NLGN1: variants seen among roughly 807,000 people sequenced by gnomAD.
The protein encoded by NLGN1 is neuroligin 1.
A neutral mutation model predicts 65.5 loss-of-function variants in NLGN1; 12 were observed. That is an observed-to-expected ratio of 0.18 (90% CI 0.12 to 0.30). The LOEUF is 0.30. Ranked by LOEUF, NLGN1 falls within the 10% of genes least tolerant of loss-of-function variation. NLGN1 has a pLI of 1.00. For missense variants in NLGN1, 750 were observed against 1,007.1 expected (o/e 0.74, Z 3.46); for synonymous variants, 350 against 359.5 (o/e 0.97, Z 0.30).
chr3:173,557,498 G>T (rs539793969), intron 2 of NLGN1, among the ~76,000 whole-genome samples: 3 of 151,622 alleles, frequency 2.0e-5, no homozygotes, highest in Admixed American at 6.6e-5. Flanking sequence ...TTTTCTCTTT[G>T]CCCTATTTAA....
chr3:173,711,961 T>C (rs996182704), intron 3 of NLGN1, among the ~76,000 whole-genome samples: 3 of 152,134 alleles, frequency 2.0e-5, no homozygotes, highest in Non-Finnish European at 4.4e-5. Context: ...CAATGAGCAA[T>C]AGGAAACTGA....
In NLGN1 at chr3:173,555,631, C is replaced by T. The variant is rs962166385; in HGVS notation, c.-320-48648C>T. Among the ~76,000 whole-genome samples, 6 of 152,044 alleles carry T rather than the reference C, an allele frequency of 3.9e-5. No homozygotes were observed. In the East Asian group the frequency reaches 1.2e-3, roughly 29 times the overall value. On this transcript the variant is annotated intron_variant, in intron 2 of 6. Transcript: ENST00000457714. Reference sequence around the variant, plus strand: ...AGTAGGTGGATGTGCACCACCACATCCAGCTAATTTTTATAAATATACATA... The same window carrying T: ...AGTAGGTGGATGTGCACCACCACATTCAGCTAATTTTTATAAATATACATA...
chr3:173,717,941 G>C (rs1298290547), intron 3 of NLGN1, among the ~76,000 whole-genome samples: 2 of 152,166 alleles, frequency 1.3e-5, no homozygotes, highest in Non-Finnish European at 2.9e-5. Context: ...ACAAGGGTAA[G>C]AGTGTTACAA....
intron 3 of NLGN1, among the ~76,000 whole-genome samples, chr3:173,804,220 C>A (rs898293806): frequency 1.3e-5 from 2 of 151,886 alleles, no homozygotes; most frequent in Non-Finnish European, 2.9e-5. Context: ...AGGCTTAAAA[C>A]CATTGCAAAT....
At chr3:174,038,131 C>A (rs1206094346) in intron 4 of NLGN1, among the ~76,000 whole-genome samples, 1 of 152,082 alleles carries the variant, frequency 6.6e-6, no homozygotes, top group Non-Finnish European at 1.5e-5. Context: ...GAGAATGTGG[C>A]AGTCGCTGTG....
chr3:173,408,262 T>C (rs1577314700), intron 1 of NLGN1, among the ~76,000 whole-genome samples: 1 of 152,286 alleles, frequency 6.6e-6, no homozygotes, highest in Non-Finnish European at 1.5e-5. Flanking sequence ...CCCTCCAGAT[T>C]TGATGATTGC....
At chr3:174,117,726 A>G (rs1716844756) in intron 4 of NLGN1, among the ~76,000 whole-genome samples, 1 of 152,170 alleles carries the variant, frequency 6.6e-6, no homozygotes, top group Non-Finnish European at 1.5e-5. Flanking sequence ...ACCTCTTTGC[A>G]ACACACCATT....
intron 4 of NLGN1, among the ~76,000 whole-genome samples, chr3:174,021,611 C>A (rs1727764430): frequency 6.6e-6 from 1 of 151,988 alleles, no homozygotes; most frequent in African/African-American, 2.4e-5. Context: ...AAGGCAGTTC[C>A]TCTCTGTATT....
At chr3:173,656,014 G>T (rs1443040081) in intron 3 of NLGN1, among the ~76,000 whole-genome samples, 1 of 152,074 alleles carries the variant, frequency 6.6e-6, no homozygotes, top group Non-Finnish European at 1.5e-5. Flanking sequence ...GAATTTTTTG[G>T]GGGTTTAAAT....
exon 7 of NLGN1, chr3:174,282,976 A>G (rs1751716664): frequency 6.6e-6 from 1 of 152,014 alleles, no homozygotes; most frequent in Non-Finnish European, 1.5e-5. Flanking sequence ...ACTTGATGGA[A>G]CCAACTTTGT....
chr3:173,753,049 G>C (rs1488554), intron 3 of NLGN1, among the ~76,000 whole-genome samples: 127,254 of 152,018 alleles, frequency 0.84, 53,733 homozygotes, highest in East Asian at 1. Context: ...CTACCCACCC[G>C]TCTTTTCAGT....
At chr3:173,558,854 G>A (rs1250784287) in intron 2 of NLGN1, among the ~76,000 whole-genome samples, 3 of 152,002 alleles carry the variant, frequency 2.0e-5, no homozygotes, top group African/African-American at 2.4e-5. Flanking sequence ...TGAGTATTAT[G>A]TCTAATAGAA....
At chr3:174,229,070 G>A (rs886895953) in intron 4 of NLGN1, among the ~76,000 whole-genome samples, 1 of 152,088 alleles carries the variant, frequency 6.6e-6, no homozygotes, top group African/African-American at 2.4e-5. Context: ...CTTCCTGGCT[G>A]CGTAAACCTG....
At chr3:173,832,229 G>A (rs1722737642) in intron 4 of NLGN1, among the ~76,000 whole-genome samples, 1 of 151,920 alleles carries the variant, frequency 6.6e-6, no homozygotes, top group African/African-American at 2.4e-5. Context: ...CTCCCAAAAT[G>A]TTGGGACTAC....
chr3:173,410,698 T>C (rs1712354892), intron 1 of NLGN1, among the ~76,000 whole-genome samples: 1 of 152,208 alleles, frequency 6.6e-6, no homozygotes, highest in East Asian at 1.9e-4. Flanking sequence ...ATCTCCAAAC[T>C]AGGCTGTATC....
chr3:173,418,771 A>ATC (rs1202013333), intron 1 of NLGN1, among the ~76,000 whole-genome samples: 1 of 152,124 alleles, frequency 6.6e-6, no homozygotes, highest in African/African-American at 2.4e-5. Context: ...TGTACATATT[A>ATC]ACCCATATGT....
At chr3:173,805,906 A>T (rs1716537955) in intron 3 of NLGN1, among the ~76,000 whole-genome samples, 1 of 152,156 alleles carries the variant, frequency 6.6e-6, no homozygotes, top group African/African-American at 2.4e-5. Flanking sequence ...ACATCTCCAC[A>T]AGCCCCCAGA....
chr3:173,608,102 G>A lies in NLGN1; in HGVS notation c.493+3011G>A, dbSNP rs186051188. ...CAAAGTATTTTCTGTACTTTGTTGT[G>A]TATAAAAGAAAAGAAATCTTATCCC... On this transcript the variant is annotated intron_variant, in intron 3 of 6. Transcript: ENST00000457714. 2.2e-3 allele frequency among the ~76,000 whole-genome samples: 340 copies of A among 151,858 alleles called. 4 individuals are homozygous for A. The highest frequency in any genetic ancestry group is 6.0e-4 in the Non-Finnish European group (41 of 67,812).
At chr3:173,818,411 A>G (rs1318331800) in intron 4 of NLGN1, among the ~76,000 whole-genome samples, 1 of 152,220 alleles carries the variant, frequency 6.6e-6, no homozygotes, top group African/African-American at 2.4e-5. Flanking sequence ...TTACAAAATT[A>G]AATATTTTGT....
Sources: gnomAD v4.1 joint callset for allele counts (sites outside exome capture counted in the v4.1 genomes callset) on GRCh38, gnomAD v4.1.1 for gene constraint, MANE v1.5 for transcripts, NCBI Gene and HGNC (gene_info 2026-07-23, HGNC 2026-07-21) for gene names.